TOGARAM1: variants seen among roughly 807,000 people sequenced by gnomAD.
TOGARAM1 encodes TOG array regulator of axonemal microtubules 1.
Under a neutral mutation model 166.6 loss-of-function variants are expected in TOGARAM1, and 100 were observed. The ratio of observed to expected loss-of-function variants is 0.60; its 90% CI spans 0.51 to 0.71. The LOEUF (loss-of-function observed/expected upper bound fraction) is 0.71. Ranked by LOEUF, TOGARAM1 falls within the 30% of genes least tolerant of loss-of-function variation. The pLI, the probability that TOGARAM1 is intolerant of heterozygous loss-of-function variation, is 0.00. For synonymous variants in TOGARAM1, 758 were observed against 763.8 expected (o/e 0.99, Z 0.13); for missense variants, 2,029 against 2,102.7 (o/e 0.96, Z 0.69).
intron 14 of TOGARAM1, among the ~76,000 whole-genome samples, chr14:45,051,310 CAGGA>C (rs1882353112): frequency 6.6e-6 from 1 of 152,140 alleles, no homozygotes; most frequent in African/African-American, 2.4e-5. Flanking sequence ...ATGAGAAATA[CAGGA>C]CCTAGGGAGG....
chr14:45,025,793 A>C lies in TOGARAM1; in HGVS notation c.3249A>C (p.Ser1083=), dbSNP rs973289300. The C allele has an allele frequency of 8.1e-6, 13 of 1,603,766 alleles. No individual in the cohort carries two copies. The African/African-American group carries it at 1.6e-4, about 20-fold the overall frequency. The change falls in exon 8 of 20, where the codon TCA becomes TCC. Residue 1083 remains serine (S), a synonymous_variant. Transcript: ENST00000361462. ...AEQSPSAGSS[S]NPQQISSFDF... Reference sequence around the variant, plus strand: ...TTGGGGGATTTACAGGGTCATCATCAAATCCACAGCAAATTTCCAGTTTTG... The same window carrying C: ...TTGGGGGATTTACAGGGTCATCATCCAATCCACAGCAAATTTCCAGTTTTG...
rs141945491 is a variant in TOGARAM1 at position 44,995,754 on chromosome 14, A to G, written c.2055A>G (p.Thr685=). 5.1e-6 allele frequency: 8 copies of G among 1,564,742 alleles called. No individual in the cohort carries two copies. In the East Asian group the frequency reaches 1.6e-4, roughly 31 times the overall value. The change falls in exon 2 of 20, where the codon ACA becomes ACG. Residue 685 remains threonine (T), a synonymous_variant. Coordinates refer to ENST00000361462, the MANE Select transcript of TOGARAM1 (RefSeq NM_001308120.2). The stretch of plus-strand genomic sequence containing the variant: ...TGATTCTGTTCTTATAGTTTTCAAC[A>G]TATGATTTCATCCCATCTGCAAAAT... ...STSKDIEQFS[T]YDFIPSAKLK...
chr14:45,046,673 A>G lies in TOGARAM1; in HGVS notation c.4283A>G (p.Lys1428Arg). The G allele has an allele frequency of 7.6e-7, 1 of 1,320,134 alleles. No individual in the cohort carries two copies. The highest frequency in any genetic ancestry group is 9.7e-7 in the Non-Finnish European group (1 of 1,025,770). 81.8% of individuals were successfully genotyped at this position (1,320,134 alleles called of 1,614,324 possible). Residue 1428 changes from lysine to arginine, a missense_variant, in exon 14 of 20, where the codon AAG becomes AGG. Transcript: ENST00000361462. The stretch of plus-strand genomic sequence containing the variant: ...GAACGCATATTACCAGCTGCTGCTA[A>G]GTTTGCTCAAGACAGTTCACAAGAA... ...MAERILPAAAKFAQDSSQETR... is the reference protein window; with the variant it reads ...MAERILPAAARFAQDSSQETR...
At chr14:45,029,626 C>G (rs1233007298) in intron 10 of TOGARAM1, among the ~76,000 whole-genome samples, 1 of 152,136 alleles carries the variant, frequency 6.6e-6, no homozygotes, top group Non-Finnish European at 1.5e-5. Context: ...AGTTAAGAAA[C>G]TTTCTATCAG....
At chr14:45,033,558 G>A (rs1881279456) in intron 11 of TOGARAM1, among the ~76,000 whole-genome samples, 1 of 151,736 alleles carries the variant, frequency 6.6e-6, no homozygotes, top group Non-Finnish European at 1.5e-5. Flanking sequence ...GCCACATTTG[G>A]CCCATGAGCC....
chr14:45,054,601 G>A, intron 16 of TOGARAM1, 52 bp downstream of exon 16: 1 of 1,284,354 alleles, frequency 7.8e-7, no homozygotes, highest in Non-Finnish European at 1.1e-6. Flanking sequence ...TGTGATAGTA[G>A]TCTCATTTGG....
intron 7 of TOGARAM1, among the ~76,000 whole-genome samples, chr14:45,018,895 G>A (rs1880319925): frequency 6.6e-6 from 1 of 152,034 alleles, no homozygotes; most frequent in South Asian, 2.1e-4. Context: ...TGTTGAATAT[G>A]TTCATTCACT....
intron 11 of TOGARAM1, among the ~76,000 whole-genome samples, chr14:45,043,317 A>G (rs1881821099): frequency 6.6e-6 from 1 of 152,052 alleles, no homozygotes; most frequent in African/African-American, 2.4e-5. Flanking sequence ...AGCTGGGATT[A>G]CAGGTGTCCA....
chr14:44,994,001 G>A (rs1445850484), intron 1 of TOGARAM1, among the ~76,000 whole-genome samples: 2 of 152,122 alleles, frequency 1.3e-5, no homozygotes, highest in African/African-American at 4.8e-5. Flanking sequence ...ACTATAATTG[G>A]TTTTGTTTTT....
chr14:45,027,400 C>T lies in TOGARAM1; in HGVS notation c.3430C>T (p.Pro1144Ser). The T allele has an allele frequency of 6.2e-7, 1 of 1,613,444 alleles. No individual in the cohort carries two copies. Residue 1144 changes from proline (P) to serine (S), a missense_variant, in exon 9 of 20, where the codon CCA becomes TCA. Pro to Ser is a moderately conservative substitution (Grantham distance 74). Coordinates refer to ENST00000361462, the MANE Select transcript of TOGARAM1 (RefSeq NM_001308120.2). ...ATTTTCAATTAAACAAAGTATTGAA[C>T]CACCATCAGGGATTTATGGAAGATC... ...DTFSIKQSIE[P>S]PSGIYGRSVQ...
At chr14:44,980,920 T>C (rs1886495704) in intron 1 of TOGARAM1, among the ~76,000 whole-genome samples, 1 of 152,166 alleles carries the variant, frequency 6.6e-6, no homozygotes, top group Non-Finnish European at 1.5e-5. Context: ...AGATACTTAT[T>C]AGACTGATTT....
In TOGARAM1 at chr14:45,007,277, T is replaced by G. The variant is rs1349785984; in HGVS notation, c.2904+1010T>G. ...ACCTATAAAGTACCAAAGTTGGTTG[T>G]TAATGATTTAAAGTAATCACCCCAA... On this transcript the variant is annotated intron_variant, in intron 5 of 19. Transcript: ENST00000361462. 6 of 151,968 alleles carry G rather than the reference T, an allele frequency of 3.9e-5. No individual in the cohort carries two copies. In the East Asian group the frequency reaches 9.7e-4, roughly 24 times the overall value. 9.4% of individuals were successfully genotyped at this position (151,968 alleles called of 1,614,324 possible).
Position 45,066,655 on chromosome 14 carries a change from T to C in TOGARAM1, c.4637T>C (p.Leu1546Pro). Residue 1546 changes from leucine (L) to proline (P), a missense_variant, in exon 17 of 20, where the codon CTC (leucine) becomes CCC (proline). Transcript: ENST00000361462. ...TTAGAAAGTGCTGAGTACCTTAAACTCATAACTGGCTTATTAAATGCAAAA... is the reference window on the plus strand; with the variant it reads ...TTAGAAAGTGCTGAGTACCTTAAACCCATAACTGGCTTATTAAATGCAAAA... ...NSLESAEYLK[L>P]ITGLLNAKDF... is the part of the protein sequence containing the mutation. The C allele has an allele frequency of 6.2e-7, 1 of 1,613,996 alleles. No homozygotes were observed.
chr14:45,018,693 ATAGTT>A (rs1338512163), intron 7 of TOGARAM1, among the ~76,000 whole-genome samples: 1 of 152,224 alleles, frequency 6.6e-6, no homozygotes, highest in Non-Finnish European at 1.5e-5. Flanking sequence ...AGTCTATAAT[ATAGTT>A]TAGTACTGTT....
chr14:45,047,714 T>G (rs1458239107), intron 14 of TOGARAM1, among the ~76,000 whole-genome samples: 2 of 152,084 alleles, frequency 1.3e-5, no homozygotes, highest in African/African-American at 4.8e-5. Flanking sequence ...TTAGGAAGGG[T>G]GGACTAGGTG....
intron 1 of TOGARAM1, among the ~76,000 whole-genome samples, chr14:44,977,550 A>C (rs1266393947): frequency 6.6e-6 from 1 of 152,086 alleles, no homozygotes; most frequent in Non-Finnish European, 1.5e-5. Flanking sequence ...CTGACTTTTT[A>C]AATAGAAAAA....
intron 13 of TOGARAM1, among the ~76,000 whole-genome samples, chr14:45,045,535 C>CTGTGTATGTG (rs1555350492): frequency 3.4e-5 from 1 of 29,132 alleles, no homozygotes; most frequent in African/African-American, 1.2e-4. Context: ...ATTCCATGGT[C>CTGTGTATGTG]TGTGTGTGTA....
At position 45,071,752 on chromosome 14, in the gene TOGARAM1, G is replaced by A. The variant is rs777726975; in HGVS notation, c.5010G>A (p.Gln1670=). The A allele has an allele frequency of 1.2e-6, 2 of 1,612,042 alleles. No individual in the cohort carries two copies. Among genetic ancestry groups the A allele is most frequent in the Non-Finnish European group, 1.7e-6 (2 of 1,179,494 alleles). ...TACAGCCATTTTGCACAAAAGCTCA[G>A]TTTTTAAATGGAAAAGCAAAACAGG... ...LLLQPFCTKA[Q]FLNGKAKQDM... The change falls in exon 19 of 20, where the codon CAG becomes CAA. Residue 1670 remains glutamine (Q), a synonymous_variant. Transcript: ENST00000361462.
Position 45,004,224 on chromosome 14 carries a change from T to G in TOGARAM1, c.2502T>G (p.Ile834Met). 3 of 1,614,070 alleles carry G rather than the reference T, an allele frequency of 1.9e-6. No homozygotes were observed. The highest frequency in any genetic ancestry group is 2.5e-6 in the Non-Finnish European group (3 of 1,179,984). Residue 834 changes from isoleucine to methionine, a missense_variant, in exon 4 of 20, where the codon ATT becomes ATG. By Grantham distance (10) the Ile-to-Met change is conservative (BLOSUM62 1). This residue lies in a region of TOGARAM1 where 1,453 missense variants were observed against 1,432.2 expected (regional missense o/e 1.01). Coordinates refer to ENST00000361462, the MANE Select transcript of TOGARAM1 (RefSeq NM_001308120.2). ...RTSPKHTSPL[I>M]ISPKKSQDNS... ...GTCCAAAGCATACATCTCCTCTTATTATATCTCCAAAGAAGTCTCAAGATA... is the reference window on the plus strand; with the variant it reads ...GTCCAAAGCATACATCTCCTCTTATGATATCTCCAAAGAAGTCTCAAGATA...
Sources: gnomAD v4.1 joint callset for allele counts (sites outside exome capture counted in the v4.1 genomes callset) on GRCh38, gnomAD v4.1.1 for gene constraint, gnomAD v4.1.1 regional missense constraint, MANE v1.5 for transcripts, NCBI Gene and HGNC (gene_info 2026-07-23, HGNC 2026-07-21) for gene names.